TRMT1: variants seen among roughly 807,000 people sequenced by gnomAD.
TRMT1 encodes tRNA (guanine(26)-N(2))-dimethyltransferase.
A neutral mutation model predicts 75.4 loss-of-function variants in TRMT1; 63 were observed. That is an observed-to-expected ratio of 0.84 (90% confidence interval 0.68 to 1.03). The LOEUF (loss-of-function observed/expected upper bound fraction) is 1.03, where lower values mean the gene tolerates loss of function less well. Among genes scored for constraint, TRMT1 ranks in the 50% least tolerant of loss-of-function variants. The pLI is 0.00. For missense variants in TRMT1, 870 were observed against 905.3 expected (o/e 0.96, Z 0.50); for synonymous variants, 382 against 358.1 (o/e 1.07, Z -0.75).
In TRMT1 at chr19:13,115,735, A is replaced by G. The variant is rs776717339; in HGVS notation, c.344T>C (p.Val115Ala). Reference protein sequence around the residue: ...KVPGEKDTQKVVVDLSEQEEE... With the variant: ...KVPGEKDTQKAVVDLSEQEEE... ...CTCTTGCTCTGACAAGTCCACGACC[A>G]CTTTTTGCGTGTCCTTCTCTCCTGG... is the stretch of plus-strand genomic sequence containing the variant. The change falls in exon 4 of 17, where the codon GTG becomes GCG. Residue 115 changes from valine (V) to alanine (A), a missense_variant. Val to Ala is a moderately conservative substitution (Grantham distance 64). Transcript: ENST00000357720. 39 of 1,613,952 alleles carry G rather than the reference A, an allele frequency of 2.4e-5. No individual in the cohort carries two copies. Among genetic ancestry groups the G allele is most frequent in the Non-Finnish European group, 2.9e-5 (34 of 1,180,026 alleles).
chr19:13,109,853 G>A lies in TRMT1; in HGVS notation c.1107-15C>T, dbSNP rs775669031. ...AGAACTTGGCCCTAAACAGAGAGGG[G>A]TGGTTGGTGGGGAGGGAGGAAAACC... On this transcript the variant is annotated splice_polypyrimidine_tract_variant and intron_variant, in intron 9 of 16. Transcript: ENST00000357720. 2.5e-6 allele frequency: 4 copies of A among 1,614,124 alleles called. No individual in the cohort carries two copies. The highest frequency in any genetic ancestry group is 3.4e-6 in the Non-Finnish European group (4 of 1,180,022).
At chr19:13,106,967 G>C (rs1186642563) in intron 14 of TRMT1, among the ~76,000 whole-genome samples, 5 of 148,664 alleles carry the variant, frequency 3.4e-5, no homozygotes, top group African/African-American at 5.0e-5. Context: ...GGGACTACAG[G>C]CACCTGCCAC....
rs113255353 is a variant in TRMT1, at chr19:13,116,025, G to T, written c.282C>A (p.Arg94=). The part of the protein sequence containing the change: ...LTCAVITEFA[R]IQLGAKGIQI... ...GGATTCCTTTGGCCCCAAGCTGAAT[G>T]CGAGCAAACTCGGTGATCACAGCAC... The change falls in exon 3 of 17, where the codon CGC becomes CGA. Residue 94 remains arginine, a synonymous_variant. Coordinates refer to ENST00000357720, the MANE Select transcript of TRMT1 (RefSeq NM_001136035.4). 8 of 1,613,914 alleles carry T rather than the reference G, an allele frequency of 5.0e-6. No individual in the cohort carries two copies. Among genetic ancestry groups the T allele is most frequent in the Non-Finnish European group, 6.8e-6 (8 of 1,180,020 alleles).
At chr19:13,116,564 G>C in intron 1 of TRMT1, 89 bp downstream of exon 1, 2 of 953,118 alleles carry the variant, frequency 2.1e-6, no homozygotes, top group South Asian at 3.5e-5. Context: ...CCCTCGTTTT[G>C]GGGATGACTG....
At position 13,107,570 on chromosome 19, in the gene TRMT1, CT is replaced by C. The variant is rs781768038; in HGVS notation, c.1583+3del. On this transcript the variant is annotated splice_donor_region_variant and intron_variant, in intron 14 of 16. Coordinates refer to ENST00000357720, the MANE Select transcript of TRMT1 (RefSeq NM_001136035.4). ...TGGCCGCTCCTGCATGTGCTTGCCC[CT>C]ACCTGGGCTCCACACTGAGAATGCG... is the stretch of plus-strand genomic sequence containing the variant. 6.3e-7 allele frequency: 1 copy of C among 1,599,436 alleles called. No individual in the cohort carries two copies. The highest frequency in any genetic ancestry group is 8.5e-7 in the Non-Finnish European group (1 of 1,171,626).
chr19:13,114,666 AAT>A (rs1344331988), intron 5 of TRMT1, among the ~76,000 whole-genome samples: 1 of 146,950 alleles, frequency 6.8e-6, no homozygotes, highest in Non-Finnish European at 1.5e-5. Flanking sequence ...CGTGTCAAAA[AAT>A]AAATAAATAA....
At position 13,110,295 on chromosome 19, in the gene TRMT1, G is replaced by C; in HGVS notation, c.882C>G (p.Ile294Met). Reference protein sequence around the residue: ...SRACHEMALRIVLHSLDLRAN... With the variant: ...SRACHEMALRMVLHSLDLRAN... ...CGCGGAGGTCCAGGCTGTGCAGGAC[G>C]ATTCTCAGGGCCTGGGGGTGGGGGG... The change falls in exon 8 of 17, where the codon ATC becomes ATG. Residue 294 changes from isoleucine (I) to methionine (M), a missense_variant. Physicochemically the swap from Ile to Met is conservative, Grantham distance 10. Transcript: ENST00000357720. 2 of 1,406,702 alleles carry C rather than the reference G, an allele frequency of 1.4e-6. No individual in the cohort carries two copies. The highest frequency in any genetic ancestry group is 9.9e-7 in the Non-Finnish European group (1 of 1,012,630). 87.1% of individuals were successfully genotyped at this position (1,406,702 alleles called of 1,614,324 possible).
chr19:13,109,600 G>A lies in TRMT1; in HGVS notation c.1261C>T (p.Arg421Cys), dbSNP rs756824789. Residue 421 changes from arginine (R) to cysteine (C), a missense_variant, in exon 11 of 17, where the codon CGC (arginine) becomes TGC (cysteine). Arg to Cys is a radical substitution (Grantham distance 180). Coordinates refer to ENST00000357720, the MANE Select transcript of TRMT1 (RefSeq NM_001136035.4). ...CGGATCCGCTCCGAGGTGTGGAAGC[G>A]GCCGGGGTTAGCGCTCACAGCCTCC... ...VLEAVSANPG[R>C]FHTSERIRGV... is the part of the protein sequence containing the mutation. The A allele has an allele frequency of 1.2e-5, 19 of 1,613,898 alleles. No homozygotes were observed. The highest frequency in any genetic ancestry group is 2.7e-5 in the African/African-American group (2 of 74,904).
chr19:13,116,084 C>T (rs1397265903), intron 2 of TRMT1, 32 bp from the exon 3 acceptor site: 1 of 1,613,598 alleles, frequency 6.2e-7, no homozygotes, highest in East Asian at 2.2e-5. Context: ...GCTCATACCC[C>T]GCCCCCGCCA....
intron 14 of TRMT1, among the ~76,000 whole-genome samples, chr19:13,106,683 C>T (rs1220109225): frequency 1.4e-5 from 2 of 144,852 alleles, no homozygotes; most frequent in Non-Finnish European, 3.0e-5. Context: ...GACAGGGTTT[C>T]GTCATGTTGG....
At chr19:13,110,399 C>T (rs2019096851) in intron 7 of TRMT1, 93 bp from the exon 8 acceptor site, 1 of 1,407,962 alleles carries the variant, frequency 7.1e-7, no homozygotes. Flanking sequence ...GGCTCAGGGC[C>T]AGCTCCCTGG....
At position 13,110,314 on chromosome 19, in the gene TRMT1, TGG is replaced by T; in HGVS notation, c.871-10_871-9del. The stretch of plus-strand genomic sequence containing the variant: ...CAGGACGATTCTCAGGGCCTGGGGG[TGG>T]GGGGTGGGTGTCAGCCTCCCCTCCA... On this transcript the variant is annotated splice_polypyrimidine_tract_variant and intron_variant, in intron 7 of 16. Coordinates refer to ENST00000357720, the MANE Select transcript of TRMT1 (RefSeq NM_001136035.4). 1 of 604,316 alleles carries T rather than the reference TGG, an allele frequency of 1.7e-6. No individual in the cohort carries two copies. The highest frequency in any genetic ancestry group is 3.0e-6 in the Non-Finnish European group (1 of 338,202). 37.4% of individuals were successfully genotyped at this position (604,316 alleles called of 1,614,324 possible). A position where few individuals can be genotyped will look rare whatever the true frequency, so the allele number is the denominator to read the frequency against.
Position 13,110,141 on chromosome 19 carries a change from T to C in TRMT1, c.1019+17A>G. 6.2e-7 allele frequency: 1 copy of C among 1,611,690 alleles called. No individual in the cohort carries two copies. The highest frequency in any genetic ancestry group is 1.1e-5 in the South Asian group (1 of 90,972). Reference sequence around the variant, plus strand: ...CTCCTCTCTCAATCCACCACCGCTCTCTGCCCCCGGGCTGACCTGGCTGAG... The same window carrying C: ...CTCCTCTCTCAATCCACCACCGCTCCCTGCCCCCGGGCTGACCTGGCTGAG... On this transcript the variant is annotated intron_variant, in intron 8 of 16. Transcript: ENST00000357720.
rs1372526351 is a variant in TRMT1 at position 13,115,981 on chromosome 19, C to T, written c.310+16G>A. 1 of 1,613,984 alleles carries T rather than the reference C, an allele frequency of 6.2e-7. No homozygotes were observed. The highest frequency in any genetic ancestry group is 2.2e-5 in the East Asian group (1 of 44,882). ...TGTGTGACCCCCGCCCACCAGAAGC[C>T]TGGACCTCCACTCACTCTGGATTCC... On this transcript the variant is annotated intron_variant, in intron 3 of 16. Coordinates refer to ENST00000357720, the MANE Select transcript of TRMT1 (RefSeq NM_001136035.4).
chr19:13,108,841 C>G (rs1599934328), intron 12 of TRMT1, among the ~76,000 whole-genome samples: 1 of 151,682 alleles, frequency 6.6e-6, no homozygotes, highest in African/African-American at 2.4e-5. Context: ...AACTCCTGAC[C>G]TCAAGTGATC....
intron 14 of TRMT1, among the ~76,000 whole-genome samples, chr19:13,106,529 G>A (rs941455813): frequency 1.3e-5 from 2 of 152,130 alleles, no homozygotes; most frequent in Non-Finnish European, 2.9e-5. Context: ...CCAGGCTGGA[G>A]TGCAGTGGTG....
In TRMT1 at chr19:13,116,066, G is replaced by C. The variant is rs1160404704; in HGVS notation, c.255-14C>G. ...ATCACAGCACATCTGGTGGGAGACA[G>C]AGGACTAGCTCATACCCCGCCCCCG... On this transcript the variant is annotated splice_polypyrimidine_tract_variant and intron_variant, in intron 2 of 16. Coordinates refer to ENST00000357720, the MANE Select transcript of TRMT1 (RefSeq NM_001136035.4). 3 of 1,614,012 alleles carry C rather than the reference G, an allele frequency of 1.9e-6. No individual in the cohort carries two copies. Among genetic ancestry groups the C allele is most frequent in the Non-Finnish European group, 2.5e-6 (3 of 1,180,002 alleles).
At chr19:13,105,859 C>T (rs1283533113) in intron 14 of TRMT1, among the ~76,000 whole-genome samples, 5 of 152,014 alleles carry the variant, frequency 3.3e-5, no homozygotes, top group Non-Finnish European at 7.4e-5. Flanking sequence ...GTCAGGAGTT[C>T]GAGACCAGCC....
At position 13,115,238 on chromosome 19, in the gene TRMT1, C is replaced by T. The variant is rs74401596; in HGVS notation, c.641+41G>A. On this transcript the variant is annotated intron_variant, in intron 5 of 16. Transcript: ENST00000357720. ...GACAGAGCCAGAATTTGACCCCAGG[C>T]AGGCTTGTCCCAGAGCTAGGCTGTG... is the stretch of plus-strand genomic sequence containing the variant. The T allele has an allele frequency of 1.6e-4, 246 of 1,563,828 alleles. No homozygotes were observed. The African/African-American group carries it at 3.0e-3, about 19-fold the overall frequency.
Sources: gnomAD v4.1 joint callset for allele counts (sites outside exome capture counted in the v4.1 genomes callset) on GRCh38, gnomAD v4.1.1 for gene constraint, MANE v1.5 for transcripts, NCBI Gene and HGNC (gene_info 2026-07-23, HGNC 2026-07-21) for gene names.